RBFOX1: variants seen among roughly 807,000 people sequenced by gnomAD.
RBFOX1 encodes the protein RNA binding fox-1 homolog 1, also known as RNA binding protein fox-1 homolog 1.
A neutral mutation model predicts 57.7 loss-of-function variants in RBFOX1; 8 were observed. The ratio of observed to expected loss-of-function variants is 0.14; its 90% CI spans 0.08 to 0.25. The LOEUF is 0.25. RBFOX1 is among the 10% of genes least tolerant of loss of function. RBFOX1 has a pLI of 1.00. For missense variants in RBFOX1, 611 were observed against 548.5 expected (o/e 1.11, Z -1.14); for synonymous variants, 326 against 222.4 (o/e 1.47, Z -4.15).
At chr16:5,400,827 A>T (rs373791371) in intron 1 of RBFOX1, among the ~76,000 whole-genome samples, 1 of 152,068 alleles carries the variant, frequency 6.6e-6, no homozygotes, top group Non-Finnish European at 1.5e-5. Context: ...TGCCACTTTG[A>T]TAGGAGAGAA....
chr16:7,668,661 AAC>A (rs34133804), intron 13 of RBFOX1, among the ~76,000 whole-genome samples: 48 of 150,280 alleles, frequency 3.2e-4, no homozygotes, highest in African/African-American at 1.0e-3. Flanking sequence ...AACAGAACAG[AAC>A]ACACACACAC....
At chr16:6,860,770 C>T (rs536631529) in intron 3 of RBFOX1, among the ~76,000 whole-genome samples, 2 of 152,134 alleles carry the variant, frequency 1.3e-5, no homozygotes, top group African/African-American at 4.8e-5. Flanking sequence ...TAATGTTGAA[C>T]AACAACAAAA....
intron 3 of RBFOX1, among the ~76,000 whole-genome samples, chr16:6,913,590 A>AT (rs1008014821): frequency 2.6e-5 from 4 of 152,136 alleles, no homozygotes; most frequent in African/African-American, 9.7e-5. Flanking sequence ...AGTCGGTAGC[A>AT]TCCCCAAGCT....
chr16:5,819,067 C>A (rs1441393060), intron 3 of RBFOX1, among the ~76,000 whole-genome samples: 3 of 152,166 alleles, frequency 2.0e-5, no homozygotes, highest in African/African-American at 7.2e-5. Context: ...TTCTCCTGCC[C>A]TGGTATCATA....
At chr16:7,351,106 G>A (rs1481723018) in intron 4 of RBFOX1, among the ~76,000 whole-genome samples, 3 of 152,178 alleles carry the variant, frequency 2.0e-5, no homozygotes, top group Admixed American at 6.5e-5. Flanking sequence ...AGTAGAGAAG[G>A]CCCCTTGGGA....
chr16:6,832,023 G>C (rs2092743217), intron 3 of RBFOX1, among the ~76,000 whole-genome samples: 1 of 152,194 alleles, frequency 6.6e-6, no homozygotes, highest in Non-Finnish European at 1.5e-5. Flanking sequence ...AAGTACTTTG[G>C]AATTCATTGA....
At chr16:7,228,954 C>T (rs1474313587) in intron 4 of RBFOX1, among the ~76,000 whole-genome samples, 1 of 151,920 alleles carries the variant, frequency 6.6e-6, no homozygotes, top group Non-Finnish European at 1.5e-5. Flanking sequence ...TATTACAAGG[C>T]TTTATATGGA....
Position 6,242,363 on chromosome 16 carries a change from A to T in RBFOX1, c.-126-74632A>T, listed in dbSNP as rs184119592. Among the ~76,000 whole-genome samples, 152 of 152,082 alleles carry T rather than the reference A, an allele frequency of 1.0e-3. 1 individual carries two copies. Among genetic ancestry groups the T allele is most frequent in the Admixed American group, 2.6e-3 (40 of 15,274 alleles). ...TCTATGGTCTATTGCATTCTGCTCA[A>T]GGTTTTCTTTTTTTTAAAAAAAGTC... On this transcript the variant is annotated intron_variant, in intron 1 of 15. Transcript: ENST00000550418.
chr16:5,512,711 T>C (rs2043646929), intron 2 of RBFOX1, among the ~76,000 whole-genome samples: 1 of 152,184 alleles, frequency 6.6e-6, no homozygotes, highest in Non-Finnish European at 1.5e-5. Context: ...CTTTACCTAT[T>C]GTTAACATCT....
intron 2 of RBFOX1, among the ~76,000 whole-genome samples, chr16:6,601,028 G>C (rs913578849): frequency 2.0e-5 from 3 of 152,000 alleles, no homozygotes; most frequent in Non-Finnish European, 4.4e-5. Context: ...GAAGGTAGAG[G>C]AATGAAAGAA....
intron 3 of RBFOX1, among the ~76,000 whole-genome samples, chr16:5,734,641 G>A (rs184978072): frequency 2.0e-5 from 3 of 152,212 alleles, no homozygotes; most frequent in East Asian, 3.9e-4. Context: ...GAGACTGAGT[G>A]CACCTGCCTG....
At chr16:7,459,874 A>G (rs1447925242) in intron 4 of RBFOX1, among the ~76,000 whole-genome samples, 1 of 152,308 alleles carries the variant, frequency 6.6e-6, no homozygotes, top group East Asian at 1.9e-4. Flanking sequence ...CCCACTTGGT[A>G]AAAGTTTTGT....
chr16:6,498,112 C>A (rs193282138), intron 2 of RBFOX1, among the ~76,000 whole-genome samples: 8 of 151,956 alleles, frequency 5.3e-5, no homozygotes, highest in African/African-American at 1.9e-4. Flanking sequence ...AATAGCCGGG[C>A]ATGGTGGTAC....
At chr16:6,056,471 C>A (rs1055516808) in intron 1 of RBFOX1, among the ~76,000 whole-genome samples, 1 of 152,112 alleles carries the variant, frequency 6.6e-6, no homozygotes, top group Non-Finnish European at 1.5e-5. Context: ...TGTTTGAATA[C>A]TGGATCTTTA....
In RBFOX1 at chr16:6,221,741, T is replaced by A. The variant is rs12922052; in HGVS notation, c.-126-95254T>A. Among the ~76,000 whole-genome samples, 6 of 152,244 alleles carry A rather than the reference T, an allele frequency of 3.9e-5. No homozygotes were observed. In the South Asian group the frequency reaches 1.2e-3, roughly 32 times the overall value. Reference sequence around the variant, plus strand: ...GCAAAGTCACGTCTTATGTGGTGGCTGGCAAAGAAAGCTTGTGCAGAGGAA... The same window carrying A: ...GCAAAGTCACGTCTTATGTGGTGGCAGGCAAAGAAAGCTTGTGCAGAGGAA... On this transcript the variant is annotated intron_variant, in intron 1 of 15. Transcript: ENST00000550418.
At chr16:5,992,629 C>T (rs1410214769) in intron 4 of RBFOX1, among the ~76,000 whole-genome samples, 1 of 152,130 alleles carries the variant, frequency 6.6e-6, no homozygotes, top group Non-Finnish European at 1.5e-5. Context: ...TATTTTCTGA[C>T]AGGAGACACT....
rs775245054 is a variant in RBFOX1, at chr16:5,947,420, T to C, written c.351+80085T>C. ...GGTCTTGCTCTCGCTCAGACTGGAG[T>C]GCATTGGTATGATCATGGCTCACTA... On this transcript the variant is annotated intron_variant, in intron 4 of 19. Coordinates refer to the RBFOX1 transcript ENST00000641259. The surrounding 1 kb of genome is among the most constrained non-coding windows in gnomAD (Gnocchi z 7.2). Among the ~76,000 whole-genome samples, 5 of 152,080 alleles carry C rather than the reference T, an allele frequency of 3.3e-5. No individual in the cohort carries two copies. Among genetic ancestry groups the C allele is most frequent in the South Asian group, 2.1e-4 (1 of 4,818 alleles).
intron 3 of RBFOX1, among the ~76,000 whole-genome samples, chr16:7,039,297 C>T (rs1192057939): frequency 6.6e-6 from 1 of 152,102 alleles, no homozygotes; most frequent in African/African-American, 2.4e-5. Flanking sequence ...CTCTTTCGTC[C>T]GTCTCCCTTG....
At chr16:6,212,712 C>G (rs1299878082) in intron 1 of RBFOX1, among the ~76,000 whole-genome samples, 1 of 8,080 alleles carries the variant, frequency 1.2e-4, no homozygotes, top group Non-Finnish European at 1.9e-3. Context: ...GTCAAAAAAA[C>G]AAACAAACAA....
Sources: gnomAD v4.1 joint callset for allele counts (sites outside exome capture counted in the v4.1 genomes callset) on GRCh38, gnomAD v4.1.1 for gene constraint, Gnocchi (gnomAD v3.1) non-coding constraint, MANE v1.5 for transcripts, NCBI Gene and HGNC (gene_info 2026-07-23, HGNC 2026-07-21) for gene names.